Variants in CMKLR1 observed in about 807,000 individuals in gnomAD.
CMKLR1 encodes chemerin chemokine-like receptor 1, also known as chemerin-like receptor 1.
In CMKLR1, 6 loss-of-function variants were observed where a neutral mutation model predicts 8.2. The ratio of observed to expected loss-of-function variants is 0.73; its 90% CI spans 0.40 to 1.44. CMKLR1 has a LOEUF of 1.44. Ranked by LOEUF, CMKLR1 falls within the 40% of genes most tolerant of loss-of-function variation. The probability of loss-of-function intolerance (pLI) is 0.02; values close to 1 mark genes in which losing one functional copy is unlikely to be tolerated. For missense variants in CMKLR1, 429 were observed against 478.0 expected (o/e 0.90, Z 0.96); for synonymous variants, 178 against 181.2 (o/e 0.98, Z 0.14).
chr12:108,336,518 C>T lies in CMKLR1; in HGVS notation c.-287+2509G>A, dbSNP rs538680104. On this transcript the variant is annotated intron_variant, in intron 1 of 3. Coordinates refer to ENST00000550402, the MANE Select transcript of CMKLR1 (RefSeq NM_001142343.2). ...CCAAGATTGCGCCACTGTACTCCAG[C>T]CTGGGCGACAGAGCGAGACTCCATC... 3.3e-5 allele frequency among the ~76,000 whole-genome samples: 5 copies of T among 151,868 alleles called. No individual in the cohort carries two copies. In the East Asian group the frequency reaches 9.6e-4, roughly 29 times the overall value.
chr12:108,311,217 G>A (rs920026534), intron 2 of CMKLR1, among the ~76,000 whole-genome samples: 5 of 152,190 alleles, frequency 3.3e-5, no homozygotes, highest in African/African-American at 7.2e-5. Context: ...GCAAAATGGC[G>A]TCAGGACTGG....
At chr12:108,304,227 C>G (rs1164913844) in intron 2 of CMKLR1, among the ~76,000 whole-genome samples, 1 of 152,222 alleles carries the variant, frequency 6.6e-6, no homozygotes, top group Non-Finnish European at 1.5e-5. Flanking sequence ...CCAAGAACCA[C>G]TGCTCCCTCT....
chr12:108,310,492 G>T (rs999139986), intron 2 of CMKLR1, among the ~76,000 whole-genome samples: 1 of 152,118 alleles, frequency 6.6e-6, no homozygotes, highest in African/African-American at 2.4e-5. Flanking sequence ...GAGGCTCCAG[G>T]CATCAGGATG....
intron 2 of CMKLR1, among the ~76,000 whole-genome samples, chr12:108,325,157 C>G (rs576168460): frequency 1.3e-5 from 2 of 152,208 alleles, no homozygotes; most frequent in African/African-American, 4.8e-5. Context: ...TGGAGTTGTC[C>G]CCAGCATTTC....
At chr12:108,315,274 T>C (rs1169678656) in intron 2 of CMKLR1, among the ~76,000 whole-genome samples, 1 of 152,152 alleles carries the variant, frequency 6.6e-6, no homozygotes, top group Non-Finnish European at 1.5e-5. Flanking sequence ...GGCATCCTTA[T>C]ACTCACCTAT....
In CMKLR1 at chr12:108,291,871, A is replaced by G. The variant is rs747042361; in HGVS notation, c.1092T>C (p.Ser364=). The G allele has an allele frequency of 1.2e-6, 2 of 1,613,818 alleles. No individual in the cohort carries two copies. The highest frequency in any genetic ancestry group is 4.5e-5 in the East Asian group (2 of 44,904). The change falls in exon 4 of 4, where the codon TCT becomes TCC. Residue 364 remains serine (S), a synonymous_variant. Coordinates refer to ENST00000550402, the MANE Select transcript of CMKLR1 (RefSeq NM_001142343.2). ...GCATGCCGGTCTCCCTCTCATTCATAGAAGTCCTCTCATTCATTGATGACA... is the reference window on the plus strand; with the variant it reads ...GCATGCCGGTCTCCCTCTCATTCATGGAAGTCCTCTCATTCATTGATGACA... ...TKMSSMNERT[S]MNERETGML is the part of the protein sequence containing the mutation.
intron 1 of CMKLR1, among the ~76,000 whole-genome samples, chr12:108,331,745 G>A (rs759879689): frequency 1.3e-5 from 2 of 152,152 alleles, no homozygotes; most frequent in Admixed American, 1.3e-4. Context: ...CTCAACCTGC[G>A]GTTGCTGGCT....
intron 2 of CMKLR1, among the ~76,000 whole-genome samples, chr12:108,313,333 A>G (rs1891633219): frequency 6.6e-6 from 1 of 151,214 alleles, no homozygotes; most frequent in Non-Finnish European, 1.5e-5. Context: ...CTAGAATCCT[A>G]AAAGTCATTG....
At chr12:108,297,334 T>C (rs907354318) in intron 2 of CMKLR1, among the ~76,000 whole-genome samples, 1 of 152,200 alleles carries the variant, frequency 6.6e-6, no homozygotes, top group South Asian at 2.1e-4. Context: ...ATAATACATA[T>C]AACATAAAAA....
intron 3 of CMKLR1, 148 bp downstream of exon 3, chr12:108,293,441 G>T: frequency 2.6e-6 from 2 of 759,984 alleles, no homozygotes; most frequent in Non-Finnish European, 4.4e-6. Context: ...AATGCTAAGT[G>T]CAATGAAGAA....
intron 2 of CMKLR1, among the ~76,000 whole-genome samples, chr12:108,306,175 G>A (rs1165297507): frequency 6.6e-6 from 1 of 152,220 alleles, no homozygotes; most frequent in Non-Finnish European, 1.5e-5. Context: ...CAGGCGTGGA[G>A]CGTGCGGTTG....
chr12:108,323,618 C>T (rs1286303379), intron 2 of CMKLR1, among the ~76,000 whole-genome samples: 1 of 152,188 alleles, frequency 6.6e-6, no homozygotes, highest in African/African-American at 2.4e-5. Flanking sequence ...CAAGTTTCTG[C>T]CCCTCTCTGA....
intron 2 of CMKLR1, among the ~76,000 whole-genome samples, chr12:108,312,165 C>T (rs7960299): frequency 0.49 from 74,166 of 152,040 alleles, 19,231 homozygotes; most frequent in East Asian, 0.77. Context: ...ACATTACCTC[C>T]ATTTCACAGA....
chr12:108,296,187 C>G (rs948500155), intron 2 of CMKLR1, among the ~76,000 whole-genome samples: 2 of 152,194 alleles, frequency 1.3e-5, no homozygotes, highest in Non-Finnish European at 2.9e-5. Context: ...CCCAGCCAGA[C>G]TGCCTGCATC....
chr12:108,291,888 T>C lies in CMKLR1; in HGVS notation c.1075A>G (p.Met359Val). The C allele has an allele frequency of 6.2e-7, 1 of 1,614,160 alleles. No individual in the cohort carries two copies. The highest frequency in any genetic ancestry group is 8.5e-7 in the Non-Finnish European group (1 of 1,180,006). Residue 359 changes from methionine to valine, a missense_variant, in exon 4 of 4, where the codon ATG (methionine) becomes GTG (valine). Physicochemically the swap from Met to Val is conservative, Grantham distance 21. Transcript: ENST00000550402. ...TCATTCATAGAAGTCCTCTCATTCA[T>C]TGATGACATCTTGGTAAAGCTTCTA... ...SHRSFTKMSS[M>V]NERTSMNERE...
intron 2 of CMKLR1, among the ~76,000 whole-genome samples, chr12:108,316,646 G>A (rs1351959287): frequency 1.3e-5 from 2 of 152,210 alleles, no homozygotes; most frequent in Admixed American, 1.3e-4. Flanking sequence ...GGGCAGGGAG[G>A]GGCCCCATGA....
Position 108,292,479 on chromosome 12 carries a change from C to A in CMKLR1, c.484G>T (p.Val162Phe), listed in dbSNP as rs1334661860. ...AAGAAGAAAGCCAGGACCCAGATGA[C>A]CATGCAGGCCATGTAAGCCAGGCGA... ...SVRLAYMACM[V>F]IWVLAFFLSS... Residue 162 changes from valine to phenylalanine, a missense_variant, in exon 4 of 4, where the codon GTC (valine) becomes TTC (phenylalanine). Coordinates refer to ENST00000550402, the MANE Select transcript of CMKLR1 (RefSeq NM_001142343.2). 1 of 1,614,148 alleles carries A rather than the reference C, an allele frequency of 6.2e-7. No homozygotes were observed. The highest frequency in any genetic ancestry group is 1.7e-5 in the Admixed American group (1 of 60,020).
chr12:108,327,883 G>A (rs552924417), intron 2 of CMKLR1, among the ~76,000 whole-genome samples: 1 of 152,210 alleles, frequency 6.6e-6, no homozygotes, highest in Non-Finnish European at 1.5e-5. Context: ...CTGAGAAAGT[G>A]TGGATCAGAG....
chr12:108,302,037 C>G (rs993923145), intron 2 of CMKLR1, among the ~76,000 whole-genome samples: 2 of 152,210 alleles, frequency 1.3e-5, no homozygotes, highest in African/African-American at 2.4e-5. Context: ...ATCTAGCGTA[C>G]TCAAGGAGCC....
Sources: gnomAD v4.1 joint callset for allele counts (sites outside exome capture counted in the v4.1 genomes callset) on GRCh38, gnomAD v4.1.1 for gene constraint, MANE v1.5 for transcripts, NCBI Gene and HGNC (gene_info 2026-07-23, HGNC 2026-07-21) for gene names.